BCAN: variants seen among roughly 807,000 people sequenced by gnomAD.
BCAN encodes the protein brevican core protein.
A neutral mutation model predicts 92.4 loss-of-function variants in BCAN; 51 were observed. That is an observed-to-expected ratio of 0.55 (90% CI 0.44 to 0.70). BCAN has a LOEUF of 0.70. BCAN is among the 30% of genes least tolerant of loss of function. The probability of loss-of-function intolerance (pLI) is 0.00; values close to 1 mark genes in which losing one functional copy is unlikely to be tolerated. For missense variants in BCAN, 1,140 were observed against 1,212.1 expected, an observed-to-expected ratio of 0.94 and a Z score of 0.88; for synonymous variants, 501 against 505.2, an observed-to-expected ratio of 0.99 and a Z score of 0.11.
At chr1:156,650,682 G>A (rs1679131363) in intron 6 of BCAN, among the ~76,000 whole-genome samples, 1 of 152,174 alleles carries the variant, frequency 6.6e-6, no homozygotes, top group Non-Finnish European at 1.5e-5. Context: ...TCGGTGCAGT[G>A]GCTCATGCCT....
In BCAN at chr1:156,647,717, C is replaced by A; in HGVS notation, c.641+35C>A. ...GGCTGTGGATTGGGGCTTCTATTGG[C>A]CCCTGAGGTGGCCATGGCCCCCCTT... is the stretch of plus-strand genomic sequence containing the variant. On this transcript the variant is annotated intron_variant, in intron 4 of 13. Transcript: ENST00000329117. The surrounding 1 kb of genome is among the most constrained non-coding windows in gnomAD (Gnocchi z 4.8). The A allele has an allele frequency of 6.4e-7, 1 of 1,561,276 alleles. No individual in the cohort carries two copies.
chr1:156,647,440 C>A lies in BCAN; in HGVS notation c.467-68C>A, dbSNP rs1301958452. 2 of 1,436,842 alleles carry A rather than the reference C, an allele frequency of 1.4e-6. No individual in the cohort carries two copies. The highest frequency in any genetic ancestry group is 1.9e-6 in the Non-Finnish European group (2 of 1,064,784). 89.0% of individuals were successfully genotyped at this position (1,436,842 alleles called of 1,614,324 possible). ...TTTACCCTTGTGTACAGAGGAGTGA[C>A]AAGGAGGGTGAGGGGAGGCCAGCGT... On this transcript the variant is annotated intron_variant, in intron 3 of 13. Coordinates refer to ENST00000329117, the MANE Select transcript of BCAN (RefSeq NM_021948.5). This position sits in a 1 kb window ranked among gnomAD's most constrained non-coding sequence, Gnocchi z 4.8.
chr1:156,652,312 G>A lies in BCAN; in HGVS notation c.1362G>A (p.Glu454=), dbSNP rs1489475879. The A allele has an allele frequency of 1.9e-6, 3 of 1,613,616 alleles. No individual in the cohort carries two copies. Among genetic ancestry groups the A allele is most frequent in the South Asian group, 1.1e-5 (1 of 90,946 alleles). Residue 454 remains glutamate (E), a synonymous_variant, in exon 8 of 14, where the codon GAG becomes GAA. Transcript: ENST00000329117. Reference sequence around the variant, plus strand: ...CAGAAGAGGAAGGTAAGGCATTGGAGGAAGAAGAGAAATATGAAGATGAAG... The same window carrying A: ...CAGAAGAGGAAGGTAAGGCATTGGAAGAAGAAGAGAAATATGAAGATGAAG... ...GFSEEEGKAL[E]EEEKYEDEEE...
intron 8 of BCAN, chr1:156,653,503 T>C: frequency 1.0e-6 from 1 of 986,906 alleles, no homozygotes; most frequent in Non-Finnish European, 1.2e-6. Flanking sequence ...CATCTCCTGC[T>C]GTCCACCTCT....
In BCAN at chr1:156,648,872, C is replaced by G. The variant is rs1271334509; in HGVS notation, c.1063+11C>G. The G allele has an allele frequency of 1.3e-6, 2 of 1,544,376 alleles. No homozygotes were observed. The highest frequency in any genetic ancestry group is 1.8e-6 in the Non-Finnish European group (2 of 1,139,248). Reference sequence around the variant, plus strand: ...TCTACTGCTTCCGAGGTGAGCCCACCTCCCTGCAGAAGCTGAGACCAATCT... The same window carrying G: ...TCTACTGCTTCCGAGGTGAGCCCACGTCCCTGCAGAAGCTGAGACCAATCT... On this transcript the variant is annotated intron_variant, in intron 6 of 13. Transcript: ENST00000329117.
chr1:156,649,951 C>T (rs1679107845), intron 6 of BCAN: 1 of 518,842 alleles, frequency 1.9e-6, no homozygotes. Context: ...GCCATGGGAA[C>T]CCCCAGCAAA....
intron 8 of BCAN, among the ~76,000 whole-genome samples, chr1:156,655,023 G>A (rs1679286935): frequency 6.6e-6 from 1 of 152,240 alleles, no homozygotes; most frequent in African/African-American, 2.4e-5. Flanking sequence ...CCAGGCCAGC[G>A]GGAAGCACTG....
Position 156,648,637 on chromosome 1 carries a change from G to A in BCAN, c.839G>A (p.Arg280Gln), listed in dbSNP as rs375372180. ...LEEARAYCQE[R>Q]GAEIATTGQL... ...GAAGCACGGGCGTACTGCCAGGAGC[G>A]GGGTGCAGAGATTGCCACCACGGGC... The change falls in exon 6 of 14, where the codon CGG becomes CAG. Residue 280 changes from arginine (R) to glutamine (Q), a missense_variant. Arg to Gln is a conservative substitution (Grantham distance 43, BLOSUM62 1). Transcript: ENST00000329117. 10 of 1,611,334 alleles carry A rather than the reference G, an allele frequency of 6.2e-6. No individual in the cohort carries two copies. The highest frequency in any genetic ancestry group is 2.2e-5 in the East Asian group (1 of 44,786).
Position 156,646,943 on chromosome 1 carries a change from G to C in BCAN, c.234G>C (p.Lys78Asn). 1 of 1,612,792 alleles carries C rather than the reference G, an allele frequency of 6.2e-7. No individual in the cohort carries two copies. The highest frequency in any genetic ancestry group is 8.5e-7 in the Non-Finnish European group (1 of 1,179,614). The change falls in exon 3 of 14, where the codon AAG (lysine) becomes AAC (asparagine). Residue 78 changes from lysine (K) to asparagine (N), a missense_variant. Physicochemically the swap from Lys to Asn is moderately conservative, Grantham distance 94 (BLOSUM62 0). This residue lies in a region of BCAN where 286 missense variants were observed against 284.1 expected (regional missense o/e 1.01). Transcript: ENST00000329117. ...RRAVLGSPRV[K>N]WTFLSRGREA... ...CTGTGCTGGGCTCTCCGCGGGTCAA[G>C]TGGACTTTCCTGTCCCGGGGCCGGG...
intron 1 of BCAN, chr1:156,644,209 C>A: frequency 6.6e-6 from 1 of 152,402 alleles, no homozygotes; most frequent in Non-Finnish European, 1.5e-5. Flanking sequence ...TTCCCTCACT[C>A]TCCCACTGTC....
chr1:156,655,545 G>A (rs1557991730), intron 8 of BCAN, among the ~76,000 whole-genome samples: 1 of 152,198 alleles, frequency 6.6e-6, no homozygotes, highest in Admixed American at 6.5e-5. Flanking sequence ...GCATGTGTGA[G>A]GCCAGTCAGC....
intron 8 of BCAN, among the ~76,000 whole-genome samples, chr1:156,654,889 C>T (rs1039302336): frequency 7.9e-5 from 12 of 152,186 alleles, no homozygotes; most frequent in Non-Finnish European, 1.5e-4. Flanking sequence ...AGAAGGAGTG[C>T]TGCTGGAAAA....
intron 2 of BCAN, 187 bp from the exon 3 acceptor site, chr1:156,646,614 G>C: frequency 1.0e-6 from 1 of 964,230 alleles, no homozygotes; most frequent in Non-Finnish European, 1.5e-6. Flanking sequence ...GAGACCGTCG[G>C]GGTGGTCCTG....
intron 6 of BCAN, among the ~76,000 whole-genome samples, chr1:156,650,153 A>AGTAG (rs1557988540): frequency 2.2e-4 from 33 of 150,918 alleles, no homozygotes; most frequent in African/African-American, 7.6e-4. Context: ...AGTAGTAGTA[A>AGTAG]TAATAATAAT....
Position 156,652,844 on chromosome 1 carries a change from C to T in BCAN, c.1894C>T (p.Pro632Ser). The change falls in exon 8 of 14, where the codon CCC (proline) becomes TCC (serine). Residue 632 changes from proline (P) to serine (S), a missense_variant. By Grantham distance (74) the Pro-to-Ser change is moderately conservative. Around this residue, in one of 3 missense-constraint regions of BCAN, gnomAD observed 825 missense variants for 871.8 expected, o/e 0.95. Coordinates refer to ENST00000329117, the MANE Select transcript of BCAN (RefSeq NM_021948.5). Reference protein sequence around the residue: ...GTSVQAQPVLPTDSASRGGVA... With the variant: ...GTSVQAQPVLSTDSASRGGVA... Reference sequence around the variant, plus strand: ...CTCAGTGCAGGCCCAGCCAGTGCTGCCCACTGACAGCGCCAGCCGAGGTGG... The same window carrying T: ...CTCAGTGCAGGCCCAGCCAGTGCTGTCCACTGACAGCGCCAGCCGAGGTGG... The T allele has an allele frequency of 6.2e-7, 1 of 1,613,902 alleles. No homozygotes were observed. The highest frequency in any genetic ancestry group is 2.2e-5 in the East Asian group (1 of 44,880).
At chr1:156,656,177 C>T (rs775536735) in intron 8 of BCAN, 105 bp from the exon 9 acceptor site, 4 of 689,998 alleles carry the variant, frequency 5.8e-6, no homozygotes, top group Non-Finnish European at 9.0e-6. Context: ...GCTTCCAGGA[C>T]AGAGAGACCA....
rs1484216376 is a variant in BCAN at position 156,651,491 on chromosome 1, A to C, written c.1099A>C (p.Asn367His). 6.2e-7 allele frequency: 1 copy of C among 1,613,294 alleles called. No individual in the cohort carries two copies. Among genetic ancestry groups the C allele is most frequent in the Non-Finnish European group, 8.5e-7 (1 of 1,179,512 alleles). ...GCCTTCTGCCATCCCTGAGGCCTCC[A>C]ACCCAGCCTCCAACCCAGCCTCTGA... is the stretch of plus-strand genomic sequence containing the variant. ...AQPSAIPEASNPASNPASDGL... is the reference protein window; with the variant it reads ...AQPSAIPEASHPASNPASDGL... The change falls in exon 7 of 14, where the codon AAC becomes CAC. Residue 367 changes from asparagine to histidine, a missense_variant. Physicochemically the swap from Asn to His is moderately conservative, Grantham distance 68. This residue lies in a region of BCAN where 825 missense variants were observed against 871.8 expected (regional missense o/e 0.95). Transcript: ENST00000329117.
At position 156,647,830 on chromosome 1, in the gene BCAN, G is replaced by T. The variant is rs1027506656; in HGVS notation, c.641+148G>T. The T allele has an allele frequency of 1.3e-6, 2 of 1,529,330 alleles. No homozygotes were observed. The highest frequency in any genetic ancestry group is 2.7e-5 in the African/African-American group (2 of 73,078). 94.7% of individuals were successfully genotyped at this position (1,529,330 alleles called of 1,614,324 possible). On this transcript the variant is annotated intron_variant, in intron 4 of 13. Coordinates refer to ENST00000329117, the MANE Select transcript of BCAN (RefSeq NM_021948.5). The surrounding 1 kb of genome is among the most constrained non-coding windows in gnomAD (Gnocchi z 4.8). ...GGCTGGTCTGAGGAGGGGAGGTGAGGACCCTGAGCATGTGCATCCCTGCAG... is the reference window on the plus strand; with the variant it reads ...GGCTGGTCTGAGGAGGGGAGGTGAGTACCCTGAGCATGTGCATCCCTGCAG...
At position 156,646,605 on chromosome 1, in the gene BCAN, A is replaced by G. The variant is rs576236584; in HGVS notation, c.92-196A>G. 2.0e-4 allele frequency: 179 copies of G among 888,752 alleles called. 4 individuals are homozygous for G. The South Asian group carries it at 3.4e-3, about 17-fold the overall frequency. The allele number at this position is 888,752 out of a possible 1,614,324, so 55.1% of individuals were successfully genotyped here. Reference sequence around the variant, plus strand: ...GGGAGACTTTGGGGGATGGGTCTGGAGACCGTCGGGGTGGTCCTGGAGGAC... The same window carrying G: ...GGGAGACTTTGGGGGATGGGTCTGGGGACCGTCGGGGTGGTCCTGGAGGAC... On this transcript the variant is annotated intron_variant, in intron 2 of 13. Transcript: ENST00000329117.
Sources: gnomAD v4.1 joint callset for allele counts (sites outside exome capture counted in the v4.1 genomes callset) on GRCh38, gnomAD v4.1.1 for gene constraint, gnomAD v4.1.1 regional missense constraint, Gnocchi (gnomAD v3.1) non-coding constraint, MANE v1.5 for transcripts, NCBI Gene and HGNC (gene_info 2026-07-23, HGNC 2026-07-21) for gene names.